Variants in MDN1 observed in about 807,000 individuals in gnomAD.
MDN1 encodes the protein midasin.
MDN1 carries 266 observed loss-of-function variants against 669.2 expected under a neutral mutation model. The ratio of observed to expected loss-of-function variants is 0.40; its 90% CI spans 0.36 to 0.44. The LOEUF (loss-of-function observed/expected upper bound fraction) is 0.44, where lower values mean the gene tolerates loss of function less well. Ranked by LOEUF, MDN1 falls within the 20% of genes least tolerant of loss-of-function variation. The probability of loss-of-function intolerance (pLI) is 1.00; values close to 1 mark genes in which losing one functional copy is unlikely to be tolerated. For missense variants in MDN1, 5,940 were observed against 6,754.0 expected (o/e 0.88, Z 4.22); for synonymous variants, 2,385 against 2,457.1 (o/e 0.97, Z 0.87).
At chr6:89,764,760 G>C (rs1817718265) in intron 15 of MDN1, among the ~76,000 whole-genome samples, 1 of 152,166 alleles carries the variant, frequency 6.6e-6, no homozygotes, top group African/African-American at 2.4e-5. Flanking sequence ...GAAGAAAGTG[G>C]TTGGAGCTCA....
intron 1 of MDN1, among the ~76,000 whole-genome samples, chr6:89,807,961 C>A (rs186602925): frequency 6.6e-6 from 1 of 152,124 alleles, no homozygotes; most frequent in Non-Finnish European, 1.5e-5. Context: ...AACTTCAAGT[C>A]CCTGCACATA....
chr6:89,695,650 G>C lies in MDN1; in HGVS notation c.9726C>G (p.Asp3242Glu). The C allele has an allele frequency of 1.9e-6, 3 of 1,612,142 alleles. No individual in the cohort carries two copies. Among genetic ancestry groups the C allele is most frequent in the Non-Finnish European group, 2.5e-6 (3 of 1,178,936 alleles). ...GCTTGTACTCCCTCTTCACCGCAGG[G>C]TCAAAGCGTGCCTGGGGAAGCCATG... ...IQTWLPQARF[D>E]PAVKREYKLN... Residue 3242 changes from aspartate to glutamate, a missense_variant, in exon 61 of 102, where the codon GAC (aspartate) becomes GAG (glutamate). Transcript: ENST00000369393. This position sits in a 1 kb window ranked among gnomAD's most constrained non-coding sequence, Gnocchi z 4.1.
chr6:89,788,065 C>G (rs963783475), intron 7 of MDN1, 108 bp from the exon 8 acceptor site: 1 of 951,056 alleles, frequency 1.1e-6, no homozygotes, highest in Non-Finnish European at 1.6e-6. Context: ...TTAAAGGAAA[C>G]GTCAGCTCTC....
intron 91 of MDN1, among the ~76,000 whole-genome samples, chr6:89,656,287 G>C (rs900675188): frequency 6.6e-6 from 1 of 152,196 alleles, no homozygotes; most frequent in African/African-American, 2.4e-5. Context: ...TTGGGGACAG[G>C]AATAGGATGT....
At chr6:89,759,158 A>T (rs1001321181) in intron 17 of MDN1, among the ~76,000 whole-genome samples, 198 bp from the exon 18 acceptor site, 2 of 152,222 alleles carry the variant, frequency 1.3e-5, no homozygotes, top group African/African-American at 4.8e-5. Context: ...GGTCAAGGGA[A>T]TATCTTTGAG....
At chr6:89,768,437 G>A (rs1025334015) in intron 15 of MDN1, among the ~76,000 whole-genome samples, 1 of 152,104 alleles carries the variant, frequency 6.6e-6, no homozygotes, top group African/African-American at 2.4e-5. Context: ...ATGATTGTGA[G>A]GTCTCCCCAG....
rs767904451 is a variant in MDN1, at chr6:89,648,099, C to A, written c.16328G>T (p.Ser5443Ile). The A allele has an allele frequency of 6.2e-7, 1 of 1,614,102 alleles. No individual in the cohort carries two copies. The highest frequency in any genetic ancestry group is 8.5e-7 in the Non-Finnish European group (1 of 1,180,046). ...KLLHPFHEQF[S>I]DYSGSQILRL... Reference sequence around the variant, plus strand: ...TAGAATCTGGGACCCAGAGTAATCACTGAACTGCTCATGAAATGGGTGTAA... The same window carrying A: ...TAGAATCTGGGACCCAGAGTAATCAATGAACTGCTCATGAAATGGGTGTAA... Residue 5443 changes from serine (S) to isoleucine (I), a missense_variant, in exon 99 of 102, where the codon AGT (serine) becomes ATT (isoleucine). Around this residue, in one of 5 missense-constraint regions of MDN1, gnomAD observed 2,280 missense variants for 2,576.3 expected, o/e 0.88. Transcript: ENST00000369393.
chr6:89,744,878 T>C (rs901784240), intron 29 of MDN1, among the ~76,000 whole-genome samples: 7 of 151,280 alleles, frequency 4.6e-5, no homozygotes, highest in African/African-American at 1.7e-4. Context: ...TGAGACCCCA[T>C]CTCCAAAAAT....
chr6:89,747,234 T>C (rs1816682394), intron 27 of MDN1, 95 bp downstream of exon 27: 1 of 1,390,940 alleles, frequency 7.2e-7, no homozygotes, highest in East Asian at 2.3e-5. Context: ...TAGTCAAATG[T>C]ATGTATCAAT....
intron 95 of MDN1, among the ~76,000 whole-genome samples, chr6:89,651,505 A>T (rs1808866810): frequency 6.6e-6 from 1 of 152,120 alleles, no homozygotes; most frequent in South Asian, 2.1e-4. Flanking sequence ...AATCCCAGCT[A>T]CTTGGGAGGC....
chr6:89,771,255 T>TG (rs1349120486), intron 15 of MDN1, among the ~76,000 whole-genome samples: 1 of 152,164 alleles, frequency 6.6e-6, no homozygotes, highest in Non-Finnish European at 1.5e-5. Flanking sequence ...ATGGGACACA[T>TG]GAAGAAGCAC....
intron 2 of MDN1, among the ~76,000 whole-genome samples, chr6:89,796,346 A>ACC: frequency 2.0e-5 from 3 of 149,490 alleles, no homozygotes; most frequent in African/African-American, 7.4e-5. Flanking sequence ...AAAAAAAAAA[A>ACC]AAAACAAAAA....
chr6:89,793,338 C>T (rs540691164), intron 5 of MDN1, among the ~76,000 whole-genome samples: 1 of 152,162 alleles, frequency 6.6e-6, no homozygotes, highest in East Asian at 1.9e-4. Context: ...GTTTTTGCAG[C>T]AAGCAAACAA....
intron 1 of MDN1, chr6:89,815,377 T>C: frequency 2.3e-6 from 1 of 433,076 alleles, no homozygotes; most frequent in Non-Finnish European, 4.5e-6. Flanking sequence ...GACACTCTCA[T>C]TCATGACTGA....
In MDN1 at chr6:89,730,921, C is replaced by A; in HGVS notation, c.4945G>T (p.Val1649Leu). ...LVYIDGIGSG[V>L]TSSGFGTALL... is the part of the protein sequence containing the mutation. The stretch of plus-strand genomic sequence containing the variant: ...GCTGTACCAAACCCAGAGGAAGTTA[C>A]CCCTAAAAGACAGAGGATCAGTCCA... The change falls in exon 35 of 102, where the codon GTA (valine) becomes TTA (leucine). Residue 1649 changes from valine to leucine, a missense_variant and splice_region_variant. Around this residue, in one of 5 missense-constraint regions of MDN1, gnomAD observed 2,292 missense variants for 2,638.3 expected, o/e 0.87. Coordinates refer to ENST00000369393, the MANE Select transcript of MDN1 (RefSeq NM_014611.3). 6.2e-7 allele frequency: 1 copy of A among 1,613,534 alleles called. No individual in the cohort carries two copies. Among genetic ancestry groups the A allele is most frequent in the Non-Finnish European group, 8.5e-7 (1 of 1,179,714 alleles).
chr6:89,670,829 C>T, intron 83 of MDN1, 90 bp downstream of exon 83: 1 of 1,405,840 alleles, frequency 7.1e-7, no homozygotes. Context: ...TGTGGTGGTC[C>T]AAAATAAAAG....
chr6:89,817,387 G>A (rs188356), intron 1 of MDN1, among the ~76,000 whole-genome samples: 5 of 152,138 alleles, frequency 3.3e-5, no homozygotes, highest in Non-Finnish European at 5.9e-5. Flanking sequence ...ACTGCCTACT[G>A]CATATCAGAC....
At chr6:89,680,445 G>T in intron 74 of MDN1, 144 bp downstream of exon 74, 1 of 958,020 alleles carries the variant, frequency 1.0e-6, no homozygotes, top group Non-Finnish European at 1.5e-6. Flanking sequence ...AGCTCTGTGG[G>T]TTTTTAAGCC....
At chr6:89,789,968 C>T (rs1819164496) in intron 6 of MDN1, 57 bp from the exon 7 acceptor site, 1 of 1,595,880 alleles carries the variant, frequency 6.3e-7, no homozygotes, top group African/African-American at 1.4e-5. Context: ...GGCAATGCTA[C>T]ATCCTTTGAT....
Sources: gnomAD v4.1 joint callset for allele counts (sites outside exome capture counted in the v4.1 genomes callset) on GRCh38, gnomAD v4.1.1 for gene constraint, gnomAD v4.1.1 regional missense constraint, Gnocchi (gnomAD v3.1) non-coding constraint, MANE v1.5 for transcripts, NCBI Gene and HGNC (gene_info 2026-07-23, HGNC 2026-07-21) for gene names.